The following PTGES3 variants were observed in gnomAD, a reference collection of about 807,000 sequenced individuals.
PTGES3 encodes Hsp90 co-chaperone.
A neutral mutation model predicts 29.9 loss-of-function variants in PTGES3; 5 were observed. The ratio of observed to expected loss-of-function variants is 0.17; its 90% CI spans 0.09 to 0.35. The LOEUF is 0.35. Ranked by LOEUF, PTGES3 falls within the 10% of genes least tolerant of loss-of-function variation. The pLI, the probability that PTGES3 is intolerant of heterozygous loss-of-function variation, is 1.00. For missense variants in PTGES3, 128 were observed against 190.0 expected (o/e 0.67, Z 1.92); for synonymous variants, 49 against 57.8 (o/e 0.85, Z 0.69).
chr12:56,682,472 G>A (rs533951383), intron 1 of PTGES3, among the ~76,000 whole-genome samples: 8 of 151,982 alleles, frequency 5.3e-5, no homozygotes, highest in Non-Finnish European at 1.2e-4. Context: ...AAGGCAGGAG[G>A]ATGGCTTGAT....
chr12:56,683,473 C>CAAAAAAAAA (rs71081388), intron 1 of PTGES3, among the ~76,000 whole-genome samples: 2,540 of 29,700 alleles, frequency 0.086, 715 homozygotes, highest in East Asian at 0.21. Context: ...AACTCTGTCT[C>CAAAAAAAAA]AAAAAAAAAA....
chr12:56,672,552 A>C (rs1314978240), intron 3 of PTGES3, among the ~76,000 whole-genome samples, 188 bp downstream of exon 3: 1 of 152,210 alleles, frequency 6.6e-6, no homozygotes, highest in Non-Finnish European at 1.5e-5. Flanking sequence ...CTCTAAGCCC[A>C]AACAGTGATA....
intron 1 of PTGES3, among the ~76,000 whole-genome samples, chr12:56,677,855 T>A (rs1275529323): frequency 6.6e-6 from 1 of 152,174 alleles, no homozygotes; most frequent in Admixed American, 6.6e-5. Context: ...ACTCTGAAAT[T>A]TAAAATATCC....
intron 1 of PTGES3, among the ~76,000 whole-genome samples, chr12:56,678,632 T>TA (rs1267230399): frequency 1.3e-5 from 2 of 152,204 alleles, no homozygotes; most frequent in African/African-American, 2.4e-5. Flanking sequence ...TTTTATAAAT[T>TA]AGAGTTATAA....
intron 1 of PTGES3, 47 bp from the exon 2 acceptor site, chr12:56,673,112 A>G: frequency 7.8e-7 from 1 of 1,286,788 alleles, no homozygotes; most frequent in African/African-American, 1.5e-5. Context: ...TTCATTAACT[A>G]AACATTCACA....
Position 56,688,103 on chromosome 12 carries a change from T to A in PTGES3, c.-104A>T. 2.1e-6 allele frequency: 3 copies of A among 1,426,524 alleles called. No individual in the cohort carries two copies. The highest frequency in any genetic ancestry group is 2.8e-6 in the Non-Finnish European group (3 of 1,090,642). 88.4% of individuals were successfully genotyped at this position (1,426,524 alleles called of 1,614,324 possible). ...TCCGGTGGCGACTCCGCTTTTTCTC[T>A]CCGGTCGCGGCCTCTTCTCGCTTCC... is the stretch of plus-strand genomic sequence containing the variant. On this transcript the variant is annotated 5_prime_UTR_variant, in exon 1 of 8. Transcript: ENST00000262033.
At chr12:56,683,551 T>A (rs1364834151) in intron 1 of PTGES3, among the ~76,000 whole-genome samples, 1 of 143,460 alleles carries the variant, frequency 7.0e-6, no homozygotes, top group African/African-American at 2.6e-5. Context: ...CTCAGGAAGC[T>A]GAGGCAGAGA....
chr12:56,682,726 A>G (rs1952607191), intron 1 of PTGES3, among the ~76,000 whole-genome samples: 1 of 150,268 alleles, frequency 6.7e-6, no homozygotes, highest in Non-Finnish European at 1.5e-5. Context: ...TAAAAGAAAA[A>G]AAAAAAAAAA....
chr12:56,683,880 A>AC (rs1399176212), intron 1 of PTGES3, among the ~76,000 whole-genome samples: 2 of 145,650 alleles, frequency 1.4e-5, no homozygotes, highest in African/African-American at 2.5e-5. Flanking sequence ...AATGGCGTGA[A>AC]CCCCAGGGGG....
chr12:56,687,318 C>A, intron 1 of PTGES3: 1 of 989,774 alleles, frequency 1.0e-6, no homozygotes, highest in Non-Finnish European at 1.2e-6. Flanking sequence ...GAACTACCTG[C>A]TCAATGGTAA....
intron 1 of PTGES3, among the ~76,000 whole-genome samples, chr12:56,677,497 T>C (rs890468696): frequency 3.3e-5 from 5 of 152,108 alleles, no homozygotes; most frequent in African/African-American, 9.7e-5. Flanking sequence ...CTTAGCAGCC[T>C]AGTAGCTATT....
chr12:56,665,390 G>A (rs1030264047), intron 6 of PTGES3: 53 of 882,194 alleles, frequency 6.0e-5, no homozygotes, highest in Non-Finnish European at 6.9e-5. Context: ...TGCCTCCCGG[G>A]TTCAAGCGAT....
intron 1 of PTGES3, among the ~76,000 whole-genome samples, chr12:56,680,201 A>G (rs1010523987): frequency 1.3e-5 from 2 of 151,270 alleles, no homozygotes; most frequent in Non-Finnish European, 2.9e-5. Context: ...CCTCACAATG[A>G]GTAGATGGAA....
chr12:56,677,028 G>GAGTTCAA (rs1952286528), intron 1 of PTGES3, among the ~76,000 whole-genome samples: 1 of 150,896 alleles, frequency 6.6e-6, no homozygotes, highest in Non-Finnish European at 1.5e-5. Context: ...CTGATGTCAG[G>GAGTTCAA]AGTTCAAGAC....
At chr12:56,677,489 TAGC>T (rs1170510395) in intron 1 of PTGES3, among the ~76,000 whole-genome samples, 1 of 152,138 alleles carries the variant, frequency 6.6e-6, no homozygotes, top group South Asian at 2.1e-4. Context: ...TATATTGTCT[TAGC>T]AGCCTAGTAG....
intron 1 of PTGES3, chr12:56,687,224 A>C (rs969153226): frequency 2.9e-6 from 3 of 1,035,328 alleles, no homozygotes; most frequent in Admixed American, 1.1e-4. Context: ...TTCATCCTAC[A>C]CTGTAACAAG....
intron 5 of PTGES3, among the ~76,000 whole-genome samples, chr12:56,668,157 G>C (rs1303473766): frequency 6.6e-6 from 1 of 152,154 alleles, no homozygotes; most frequent in Non-Finnish European, 1.5e-5. Flanking sequence ...CATGTGAAGT[G>C]CTCTTACCTC....
At chr12:56,679,145 C>T (rs1022968911) in intron 1 of PTGES3, among the ~76,000 whole-genome samples, 2 of 152,008 alleles carry the variant, frequency 1.3e-5, no homozygotes, top group Admixed American at 1.3e-4. Context: ...GGAGTGATGG[C>T]TCACATCTAA....
chr12:56,671,724 T>C (rs1015653254), intron 4 of PTGES3, 25 bp downstream of exon 4: 1 of 1,422,598 alleles, frequency 7.0e-7, no homozygotes, highest in Non-Finnish European at 9.5e-7. Context: ...TATCAAACTT[T>C]TCAAAAAAGG....
Sources: allele counts gnomAD v4.1 joint callset (sites outside exome capture counted in the v4.1 genomes callset), GRCh38; gene constraint gnomAD v4.1.1; transcripts MANE v1.5; gene names NCBI Gene and HGNC (gene_info 2026-07-23, HGNC 2026-07-21).